HECW2: variants seen among roughly 807,000 people sequenced by gnomAD.
HECW2 encodes HECT, C2 and WW domain containing E3 ubiquitin protein ligase 2.
HECW2 carries 61 observed loss-of-function variants against 175.2 expected under a neutral mutation model. That is an observed-to-expected ratio of 0.35 (90% CI 0.28 to 0.43). The LOEUF (loss-of-function observed/expected upper bound fraction) is 0.43, where lower values mean the gene tolerates loss of function less well. Among genes scored for constraint, HECW2 ranks in the 20% least tolerant of loss-of-function variants. The probability of loss-of-function intolerance (pLI) is 1.00; values close to 1 mark genes in which losing one functional copy is unlikely to be tolerated. For missense variants in HECW2, 1,524 were observed against 2,000.5 expected, an observed-to-expected ratio of 0.76 and a Z score of 4.54; for synonymous variants, 671 against 731.0, an observed-to-expected ratio of 0.92 and a Z score of 1.32.
intron 2 of HECW2, among the ~76,000 whole-genome samples, chr2:196,413,186 C>T (rs1385891783): frequency 6.6e-6 from 1 of 152,096 alleles, no homozygotes; most frequent in Non-Finnish European, 1.5e-5. Flanking sequence ...GACCCTGTCA[C>T]TACAAAAAAA....
chr2:196,439,179 A>G (rs1695969293), intron 1 of HECW2, among the ~76,000 whole-genome samples: 2 of 152,250 alleles, frequency 1.3e-5, no homozygotes, highest in Admixed American at 6.5e-5. Context: ...AAAGTGTTCA[A>G]TAAAAAGTAG....
At chr2:196,531,057 A>G (rs1688823324) in intron 1 of HECW2, among the ~76,000 whole-genome samples, 1 of 152,258 alleles carries the variant, frequency 6.6e-6, no homozygotes, top group African/African-American at 2.4e-5. Flanking sequence ...TTCCCTTGAT[A>G]TGTATTCTAA....
rs117145731 is a variant in HECW2 at position 196,539,881 on chromosome 2, C to T, written c.-36+53627G>A. 1.2e-4 allele frequency among the ~76,000 whole-genome samples: 19 copies of T among 152,286 alleles called. No homozygotes were observed. The East Asian group carries it at 2.9e-3, about 23-fold the overall frequency. ...CTGAGCACTGCAAGGATATGTGGTACATGAATATGCCTTGTTTAATTATAG... is the reference window on the plus strand; with the variant it reads ...CTGAGCACTGCAAGGATATGTGGTATATGAATATGCCTTGTTTAATTATAG... On this transcript the variant is annotated intron_variant, in intron 1 of 28. Transcript: ENST00000644978.
chr2:196,318,411 C>T, intron 9 of HECW2, 141 bp downstream of exon 9: 1 of 1,020,710 alleles, frequency 9.8e-7, no homozygotes, highest in Non-Finnish European at 1.3e-6. Flanking sequence ...TCTTGCCTCT[C>T]TTCTTGCCTG....
chr2:196,435,313 A>G (rs1695837905), intron 1 of HECW2, among the ~76,000 whole-genome samples: 1 of 152,238 alleles, frequency 6.6e-6, no homozygotes, highest in Admixed American at 6.5e-5. Flanking sequence ...AGCTTAAAAT[A>G]CAGGTCAACT....
At chr2:196,410,069 G>C (rs1315979544) in intron 2 of HECW2, among the ~76,000 whole-genome samples, 1 of 152,112 alleles carries the variant, frequency 6.6e-6, no homozygotes, top group Non-Finnish European at 1.5e-5. Context: ...CTCAAAATAA[G>C]TGCTCATGAC....
chr2:196,353,459 G>A (rs770528543), intron 2 of HECW2, among the ~76,000 whole-genome samples: 1 of 152,134 alleles, frequency 6.6e-6, no homozygotes, highest in Non-Finnish European at 1.5e-5. Context: ...ACTCCAAGAG[G>A]TCAAGGAATT....
intron 13 of HECW2, 41 bp downstream of exon 13, chr2:196,306,447 C>A (rs757508358): frequency 2.9e-5 from 45 of 1,566,124 alleles, no homozygotes; most frequent in Middle Eastern, 1.7e-4. Flanking sequence ...TTTGCTTTGG[C>A]CTGCTGTTTT....
intron 1 of HECW2, among the ~76,000 whole-genome samples, chr2:196,543,645 C>T (rs1430729243): frequency 2.0e-5 from 3 of 151,944 alleles, no homozygotes; most frequent in Non-Finnish European, 4.4e-5. Context: ...TGGAGTCTCG[C>T]TCTGTCGCCC....
chr2:196,248,631 C>CAGAGAGAGAGAG (rs1553636705), intron 19 of HECW2, among the ~76,000 whole-genome samples: 1 of 148,386 alleles, frequency 6.7e-6, no homozygotes, highest in African/African-American at 2.5e-5. Flanking sequence ...CACACACACA[C>CAGAGAGAGAGAG]AGAGAGAGAC....
At chr2:196,302,173 G>A (rs11682466) in intron 13 of HECW2, among the ~76,000 whole-genome samples, 81,419 of 152,112 alleles carry the variant, frequency 0.54, 25,186 homozygotes, top group East Asian at 0.81. Flanking sequence ...GTTTTTGTCA[G>A]GTTTGCTGAA....
chr2:196,564,837 A>T (rs1690122364), intron 1 of HECW2, among the ~76,000 whole-genome samples: 2 of 152,080 alleles, frequency 1.3e-5, no homozygotes, highest in South Asian at 4.1e-4. Context: ...CCAAATTTAC[A>T]TAGATTATAA....
chr2:196,353,281 G>T (rs754911631), intron 2 of HECW2, among the ~76,000 whole-genome samples: 1 of 152,006 alleles, frequency 6.6e-6, no homozygotes, highest in African/African-American at 2.4e-5. Context: ...TTTTCAATGA[G>T]ACCTACTCTG....
rs1023937439 is a variant in HECW2 at position 196,196,345 on chromosome 2, C to A, written c.*4932G>T. On this transcript the variant is annotated 3_prime_UTR_variant, in exon 29 of 29. Transcript: ENST00000644978. ...AGCATTCCTTTGCATCCATACTAGA[C>A]AAACAAATTAATTTGGAAAACACAA... is the stretch of plus-strand genomic sequence containing the variant. 6.6e-6 allele frequency: 1 copy of A among 152,134 alleles called. No homozygotes were observed. Among genetic ancestry groups the A allele is most frequent in the Non-Finnish European group, 1.5e-5 (1 of 68,026 alleles). 9.4% of individuals were successfully genotyped at this position (152,134 alleles called of 1,614,324 possible). A position where few individuals can be genotyped will look rare whatever the true frequency, so the allele number is the denominator to read the frequency against.
rs1009126182 is a variant in HECW2, at chr2:196,196,426, A to C, written c.*4851T>G. On this transcript the variant is annotated 3_prime_UTR_variant, in exon 29 of 29. Coordinates refer to ENST00000644978, the MANE Select transcript of HECW2 (RefSeq NM_001348768.2). ...ATTAGAGTCTAAAAGTGACATTCTC[A>C]TCAAACTCACGGCAGTAAGATGGAA... 1.3e-5 allele frequency: 2 copies of C among 152,224 alleles called. No homozygotes were observed. Among genetic ancestry groups the C allele is most frequent in the Admixed American group, 6.5e-5 (1 of 15,280 alleles). The allele number at this position is 152,224 out of a possible 1,614,324, so 9.4% of individuals were successfully genotyped here.
chr2:196,349,278 T>C (rs13420878), intron 2 of HECW2, among the ~76,000 whole-genome samples: 40,483 of 152,168 alleles, frequency 0.27, 7,104 homozygotes, highest in African/African-American at 0.5. Context: ...GTCTGTTTTT[T>C]TGTTACAAAA....
At position 196,257,703 on chromosome 2, in the gene HECW2, A is replaced by C; in HGVS notation, c.3419+120T>G. 11 of 688,074 alleles carry C rather than the reference A, an allele frequency of 1.6e-5. No individual in the cohort carries two copies. In the South Asian group the frequency reaches 2.1e-4, roughly 13 times the overall value. The allele number at this position is 688,074 out of a possible 1,614,324, so 42.6% of individuals were successfully genotyped here. On this transcript the variant is annotated intron_variant, in intron 18 of 28. Coordinates refer to ENST00000644978, the MANE Select transcript of HECW2 (RefSeq NM_001348768.2). ...CCCTAAATCTTCAAAATATTTCCAC[A>C]AGTCTAAAGAATAAGAACAATTTTT...
At chr2:196,428,653 T>C (rs886234659) in intron 2 of HECW2, among the ~76,000 whole-genome samples, 9 of 152,230 alleles carry the variant, frequency 5.9e-5, no homozygotes, top group African/African-American at 1.9e-4. Context: ...TTGGAGTTAC[T>C]GTGTTCAGAA....
At chr2:196,553,471 A>G (rs565310166) in intron 1 of HECW2, among the ~76,000 whole-genome samples, 1 of 152,250 alleles carries the variant, frequency 6.6e-6, no homozygotes, top group Non-Finnish European at 1.5e-5. Flanking sequence ...GCCACTGCTT[A>G]GAGACTACTG....
Sources: allele counts gnomAD v4.1 joint callset (sites outside exome capture counted in the v4.1 genomes callset), GRCh38; gene constraint gnomAD v4.1.1; transcripts MANE v1.5; gene names NCBI Gene and HGNC (gene_info 2026-07-23, HGNC 2026-07-21).